NUP210L: variants seen among roughly 807,000 people sequenced by gnomAD.
The protein encoded by NUP210L is nuclear pore membrane glycoprotein 210-like.
Under a neutral mutation model 208.5 loss-of-function variants are expected in NUP210L, and 74 were observed. The observed-to-expected ratio is 0.35, with a 90% CI of 0.29 to 0.43. The LOEUF (loss-of-function observed/expected upper bound fraction) is 0.43. NUP210L is among the 20% of genes least tolerant of loss of function. The probability of loss-of-function intolerance (pLI) is 1.00; values close to 1 mark genes in which losing one functional copy is unlikely to be tolerated. For synonymous variants in NUP210L, 780 were observed against 816.9 expected, an observed-to-expected ratio of 0.95 and a Z score of 0.77; for missense variants, 1,843 against 2,289.4, an observed-to-expected ratio of 0.81 and a Z score of 3.98.
At chr1:154,121,969 A>C (rs1338232630) in intron 10 of NUP210L, among the ~76,000 whole-genome samples, 4 of 152,184 alleles carry the variant, frequency 2.6e-5, no homozygotes, top group African/African-American at 9.6e-5. Flanking sequence ...AATAGAAAAC[A>C]GACAAATAGA....
chr1:154,143,703 T>A (rs1433190309), intron 2 of NUP210L, 126 bp from the exon 3 acceptor site: 2 of 714,584 alleles, frequency 2.8e-6, no homozygotes, highest in Non-Finnish European at 4.3e-6. Flanking sequence ...CTTTTACCTA[T>A]GGAAGAAAAT....
chr1:154,025,438 G>A (rs938929922), intron 30 of NUP210L, 104 bp downstream of exon 30: 2 of 639,132 alleles, frequency 3.1e-6, no homozygotes, highest in Non-Finnish European at 4.7e-6. Flanking sequence ...TTCTTTAATG[G>A]CATGATAAGA....
At chr1:154,025,447 G>T in intron 30 of NUP210L, 95 bp downstream of exon 30, 19 of 698,240 alleles carry the variant, frequency 2.7e-5, no homozygotes, top group Admixed American at 1.1e-4. Context: ...GGCATGATAA[G>T]AAAATTTCTA....
chr1:154,074,357 A>G (rs1362137937), intron 16 of NUP210L, among the ~76,000 whole-genome samples: 1 of 152,122 alleles, frequency 6.6e-6, no homozygotes, highest in African/African-American at 2.4e-5. Context: ...CCTGGAAAAA[A>G]GCATCCTTTT....
intron 38 of NUP210L, 122 bp from the exon 39 acceptor site, chr1:153,993,211 T>TTAAAAATAAGTA (rs1649580196): frequency 3.2e-6 from 2 of 621,118 alleles, no homozygotes; most frequent in East Asian, 6.1e-5. Context: ...GTAATGGCAC[T>TTAAAAATAAGTA]ATTACAGGAA....
intron 16 of NUP210L, among the ~76,000 whole-genome samples, chr1:154,083,803 G>T (rs1360006450): frequency 6.6e-6 from 1 of 151,956 alleles, no homozygotes; most frequent in African/African-American, 2.4e-5. Flanking sequence ...TGATTGAGGT[G>T]GGATTTGATA....
At chr1:154,053,105 A>C (rs1199245642) in intron 25 of NUP210L, among the ~76,000 whole-genome samples, 1 of 152,260 alleles carries the variant, frequency 6.6e-6, no homozygotes, top group Non-Finnish European at 1.5e-5. Context: ...AGCATCTAGA[A>C]GGACACTCTG....
chr1:154,074,443 C>T (rs1168036579), intron 16 of NUP210L, among the ~76,000 whole-genome samples: 3 of 151,484 alleles, frequency 2.0e-5, no homozygotes, highest in African/African-American at 7.3e-5. Flanking sequence ...TCTCTTTCTT[C>T]CTTCATTTTT....
At chr1:154,125,637 G>A (rs1220317878) in intron 10 of NUP210L, among the ~76,000 whole-genome samples, 4 of 1,294 alleles carry the variant, frequency 3.1e-3, no homozygotes, top group African/African-American at 6.3e-3. Context: ...AAGGAAGGAA[G>A]GAAGGAAGGA....
At chr1:154,089,275 G>A in intron 16 of NUP210L, 146 bp downstream of exon 16, 1 of 684,568 alleles carries the variant, frequency 1.5e-6, no homozygotes, top group Non-Finnish European at 2.5e-6. Flanking sequence ...AAACTGTATG[G>A]CAGTTCCTCA....
At chr1:154,016,676 G>A (rs1651264560) in intron 33 of NUP210L, among the ~76,000 whole-genome samples, 1 of 152,176 alleles carries the variant, frequency 6.6e-6, no homozygotes, top group African/African-American at 2.4e-5. Context: ...GGGCACAGTG[G>A]CTCACGCCTG....
At chr1:154,046,368 T>A (rs752396040) in exon 26 of NUP210L, 2 of 1,613,886 alleles carry the variant, frequency 1.2e-6, no homozygotes, top group South Asian at 1.1e-5. Context: ...CTGTACTTCA[T>A]CCTGCTCAAC....
intron 29 of NUP210L, among the ~76,000 whole-genome samples, chr1:154,027,080 C>CAAAAAAAAAAAAA (rs59626984): frequency 3.8e-4 from 39 of 101,692 alleles, no homozygotes; most frequent in African/African-American, 1.2e-3. Flanking sequence ...GAGACTGTCT[C>CAAAAAAAAAAAAA]AAAAAAAAAA....
rs1434093544 is a variant in NUP210L, at chr1:154,140,666, C to CAAAAAAAAAAAAAAA, written c.567-715_567-714insTTTTTTTTTTTTTTT. 2.3e-3 allele frequency among the ~76,000 whole-genome samples: 232 copies of CAAAAAAAAAAAAAAA among 102,444 alleles called. 12 individuals are homozygous for CAAAAAAAAAAAAAAA. Among genetic ancestry groups the CAAAAAAAAAAAAAAA allele is most frequent in the South Asian group, 6.9e-3 (23 of 3,322 alleles). The allele number at this position is 102,444 out of a possible 152,430, so 67.2% of individuals were successfully genotyped here. On this transcript the variant is annotated intron_variant, in intron 4 of 39. Transcript: ENST00000368559. ...TGAGTGACAGAGCAAGACTCCATCTCAAAAAAAAAAACAGAAAAAGAAAAG... is the reference window on the plus strand; with the variant it reads ...TGAGTGACAGAGCAAGACTCCATCTCAAAAAAAAAAAAAAAAAAAAAAAAAACAGAAAAAGAAAAG...
At chr1:154,138,177 T>C (rs760838957) in exon 6 of NUP210L, 1 of 1,543,516 alleles carries the variant, frequency 6.5e-7, no homozygotes, top group Non-Finnish European at 8.6e-7. Context: ...ATAAATATCA[T>C]GGGATGGTAT....
At chr1:154,102,560 A>C (rs1656522929) in intron 13 of NUP210L, among the ~76,000 whole-genome samples, 1 of 152,212 alleles carries the variant, frequency 6.6e-6, no homozygotes, top group Non-Finnish European at 1.5e-5. Flanking sequence ...AGGGCAAAGC[A>C]AAAGTCCAAT....
At chr1:154,084,038 CTTTTTT>C (rs34861266) in intron 16 of NUP210L, among the ~76,000 whole-genome samples, 1 of 103,612 alleles carries the variant, frequency 9.7e-6, no homozygotes, top group African/African-American at 3.6e-5. Context: ...CTTTTCCTTT[CTTTTTT>C]TTTTTTTTTT....
intron 12 of NUP210L, among the ~76,000 whole-genome samples, chr1:154,108,813 A>T (rs942752809): frequency 5.9e-5 from 9 of 151,802 alleles, no homozygotes; most frequent in Admixed American, 2.0e-4. Flanking sequence ...AGATTTTTTT[A>T]AAAAAGGCTG....
intron 2 of NUP210L, among the ~76,000 whole-genome samples, chr1:154,149,654 A>C (rs1571332476): frequency 6.6e-6 from 1 of 152,292 alleles, no homozygotes; most frequent in East Asian, 1.9e-4. Flanking sequence ...AGCTGCAATG[A>C]GCCATGTTTG....
Sources: allele counts gnomAD v4.1 joint callset (sites outside exome capture counted in the v4.1 genomes callset), GRCh38; gene constraint gnomAD v4.1.1; transcripts MANE v1.5; gene names NCBI Gene and HGNC (gene_info 2026-07-23, HGNC 2026-07-21).